Variants in JADE2 observed in about 807,000 individuals in gnomAD.
JADE2 encodes E3 ubiquitin-protein ligase Jade-2.
JADE2 carries 13 observed loss-of-function variants against 85.7 expected under a neutral mutation model. The observed-to-expected ratio is 0.15, with a 90% CI of 0.10 to 0.24. The LOEUF is 0.24. JADE2 is among the 10% of genes least tolerant of loss of function. The pLI, the probability that JADE2 is intolerant of heterozygous loss-of-function variation, is 1.00. For missense variants in JADE2, 846 were observed against 1,115.9 expected (o/e 0.76, Z 3.45); for synonymous variants, 440 against 456.1 (o/e 0.96, Z 0.45).
intron 3 of JADE2, among the ~76,000 whole-genome samples, chr5:134,551,033 G>T (rs180696433): frequency 1.3e-5 from 2 of 152,186 alleles, no homozygotes; most frequent in East Asian, 3.9e-4. Context: ...CACTATCTAG[G>T]CTGCCCTAAG....
chr5:134,557,158 A>G (rs1258498855), intron 4 of JADE2, among the ~76,000 whole-genome samples: 1 of 152,070 alleles, frequency 6.6e-6, no homozygotes, highest in Non-Finnish European at 1.5e-5. Flanking sequence ...AATCCATTTA[A>G]TCCTCTCACC....
intron 9 of JADE2, among the ~76,000 whole-genome samples, chr5:134,568,498 A>T (rs1763787509): frequency 6.6e-6 from 1 of 151,672 alleles, no homozygotes; most frequent in Non-Finnish European, 1.5e-5. Context: ...TGCTGCAGAG[A>T]CTCCTGCAGT....
chr5:134,561,081 T>C, intron 6 of JADE2, 124 bp downstream of exon 6: 1 of 785,274 alleles, frequency 1.3e-6, no homozygotes, highest in Non-Finnish European at 2.1e-6. Flanking sequence ...AGGAAGGGAA[T>C]GGTGAGGATG....
At position 134,525,747 on chromosome 5, in the gene JADE2, G is replaced by A. The variant is rs1371474866; in HGVS notation, c.-265G>A. The A allele has an allele frequency of 4.1e-6, 5 of 1,225,342 alleles. No individual in the cohort carries two copies. The highest frequency in any genetic ancestry group is 1.4e-5 in the South Asian group (1 of 73,088). 75.9% of individuals were successfully genotyped at this position (1,225,342 alleles called of 1,614,324 possible). On this transcript the variant is annotated 5_prime_UTR_variant, in exon 1 of 12. Transcript: ENST00000681547. ...GGAGGCTATTTTTTGGGGGGGGTGA[G>A]TAGCGTCCATGGAGTTACTTTGCGC... is the stretch of plus-strand genomic sequence containing the variant.
At chr5:134,573,985 G>A (rs1197180900) in intron 10 of JADE2, 2 of 631,428 alleles carry the variant, frequency 3.2e-6, no homozygotes, top group East Asian at 2.9e-5. Context: ...AGGTTGGAAT[G>A]TGGGCATCAG....
In JADE2 at chr5:134,577,801, A is replaced by G. The variant is rs2150029129; in HGVS notation, c.1682-693A>G. Among the ~76,000 whole-genome samples the G allele has an allele frequency of 2.0e-5, 3 of 152,286 alleles. No homozygotes were observed. In the Middle Eastern group the frequency reaches 0.01, roughly 518 times the overall value. ...CTCCCAAGACCTCGGTAAGGAAGGA[A>G]GGCTCTGCCGCCCTCACATCTGCTG... On this transcript the variant is annotated intron_variant, in intron 11 of 11. Coordinates refer to ENST00000681547, the MANE Select transcript of JADE2 (RefSeq NM_001388185.1).
At position 134,559,979 on chromosome 5, in the gene JADE2, T is replaced by C. The variant is rs1179325098; in HGVS notation, c.461T>C (p.Leu154Pro). The change falls in exon 5 of 12, where the codon CTT becomes CCT. Residue 154 changes from leucine to proline, a missense_variant. Physicochemically the swap from Leu to Pro is moderately conservative, Grantham distance 98. Transcript: ENST00000681547. The part of the protein sequence containing the change: ...AYWLELINSE[L>P]KEMERPELDE... Reference sequence around the variant, plus strand: ...TGGCTGGAGCTCATCAACTCGGAGCTTAAGGAGATGGGTAGGTGACCACTG... The same window carrying C: ...TGGCTGGAGCTCATCAACTCGGAGCCTAAGGAGATGGGTAGGTGACCACTG... 6.2e-7 allele frequency: 1 copy of C among 1,613,582 alleles called. No homozygotes were observed.
At chr5:134,563,399 T>G (rs900467521) in intron 7 of JADE2, among the ~76,000 whole-genome samples, 1 of 150,236 alleles carries the variant, frequency 6.7e-6, no homozygotes, top group African/African-American at 2.5e-5. Flanking sequence ...GCTAGGATGG[T>G]GGGGTGGGTG....
intron 1 of JADE2, among the ~76,000 whole-genome samples, chr5:134,528,250 A>G (rs1488121107): frequency 6.6e-6 from 1 of 152,052 alleles, no homozygotes; most frequent in Non-Finnish European, 1.5e-5. Context: ...CCAGTAGGAC[A>G]TTTGGCAAAA....
At chr5:134,540,630 C>T (rs1194683557) in intron 3 of JADE2, among the ~76,000 whole-genome samples, 1 of 152,166 alleles carries the variant, frequency 6.6e-6, no homozygotes, top group Non-Finnish European at 1.5e-5. Flanking sequence ...TCCTGGAAGG[C>T]AAGAATTGTC....
rs1764528667 is a variant in JADE2 at position 134,578,605 on chromosome 5, A to G, written c.1793A>G (p.Asn598Ser). The G allele has an allele frequency of 2.5e-6, 4 of 1,614,164 alleles. No homozygotes were observed. Among genetic ancestry groups the G allele is most frequent in the South Asian group, 1.1e-5 (1 of 91,088 alleles). ...GCCATGAGCGAGTGGCCACTGAACA[A>G]TGGGCACCGCGAGGACCCTGCTCCA... ...NMAMSEWPLN[N>S]GHREDPAPGL... Residue 598 changes from asparagine (N) to serine (S), a missense_variant, in exon 12 of 12, where the codon AAT (asparagine) becomes AGT (serine). Physicochemically the swap from Asn to Ser is conservative, Grantham distance 46. Coordinates refer to ENST00000681547, the MANE Select transcript of JADE2 (RefSeq NM_001388185.1). This position sits in a 1 kb window ranked among gnomAD's most constrained non-coding sequence, Gnocchi z 4.4.
chr5:134,552,586 A>G (rs1329767119), intron 4 of JADE2, among the ~76,000 whole-genome samples: 1 of 152,208 alleles, frequency 6.6e-6, no homozygotes, highest in Admixed American at 6.5e-5. Flanking sequence ...GAAATGACGC[A>G]TGGAAGGCAC....
chr5:134,528,039 C>T (rs1035198332), intron 1 of JADE2, among the ~76,000 whole-genome samples: 6 of 152,144 alleles, frequency 3.9e-5, no homozygotes, highest in African/African-American at 1.4e-4. Context: ...GGTTCCAAAG[C>T]GTCTAGGAAG....
At chr5:134,550,091 C>T (rs1335324466) in intron 3 of JADE2, among the ~76,000 whole-genome samples, 1 of 152,226 alleles carries the variant, frequency 6.6e-6, no homozygotes, top group East Asian at 1.9e-4. Context: ...ATAAGATATG[C>T]AAATTATCTG....
chr5:134,550,678 G>A (rs761289615), intron 3 of JADE2, among the ~76,000 whole-genome samples: 21 of 152,194 alleles, frequency 1.4e-4, no homozygotes, highest in South Asian at 2.1e-4. Flanking sequence ...CCACAATAGC[G>A]CTTTGTGGGG....
intron 2 of JADE2, 35 bp downstream of exon 2, chr5:134,535,950 G>A: frequency 6.3e-7 from 1 of 1,589,628 alleles, no homozygotes; most frequent in Non-Finnish European, 8.6e-7. Context: ...TACAGGGAAA[G>A]CATTTGAACA....
chr5:134,581,815 G>A lies in JADE2; in HGVS notation c.*2498G>A, dbSNP rs569729619. ...TTTCACTCCCAGGCCAAGCCCTGGA[G>A]CAATCTTCTTCAGGCAGCTGTCTCC... On this transcript the variant is annotated 3_prime_UTR_variant, in exon 12 of 12. Coordinates refer to ENST00000681547, the MANE Select transcript of JADE2 (RefSeq NM_001388185.1). 1 of 152,544 alleles carries A rather than the reference G, an allele frequency of 6.6e-6. No individual in the cohort carries two copies. Among genetic ancestry groups the A allele is most frequent in the Non-Finnish European group, 1.5e-5 (1 of 68,206 alleles). 9.4% of individuals were successfully genotyped at this position (152,544 alleles called of 1,614,324 possible).
chr5:134,576,485 C>T (rs1251965929), intron 10 of JADE2, among the ~76,000 whole-genome samples: 1 of 152,194 alleles, frequency 6.6e-6, no homozygotes, highest in Non-Finnish European at 1.5e-5. Flanking sequence ...TTCCCACCAC[C>T]CACACTCTCT....
At chr5:134,540,608 G>T (rs1301278160) in intron 3 of JADE2, among the ~76,000 whole-genome samples, 2 of 152,118 alleles carry the variant, frequency 1.3e-5, no homozygotes, top group Non-Finnish European at 2.9e-5. Flanking sequence ...CTACCTTTAT[G>T]TGCCTTCCTG....
Sources: allele counts gnomAD v4.1 joint callset (sites outside exome capture counted in the v4.1 genomes callset), GRCh38; gene constraint gnomAD v4.1.1; non-coding constraint Gnocchi (gnomAD v3.1); transcripts MANE v1.5; gene names NCBI Gene and HGNC (gene_info 2026-07-23, HGNC 2026-07-21).